BCOR: variants seen among roughly 807,000 people sequenced by gnomAD.
BCOR encodes the protein BCL-6 corepressor.
In BCOR, 10 loss-of-function variants were observed where a neutral mutation model predicts 86.7. The observed-to-expected ratio is 0.12, with a 90% CI of 0.07 to 0.20. The LOEUF (loss-of-function observed/expected upper bound fraction) is 0.20. Among genes scored for constraint, BCOR ranks in the 10% least tolerant of loss-of-function variants. The pLI is 1.00. For missense variants in BCOR, 1,259 were observed against 1,452.1 expected (o/e 0.87, Z 2.16); for synonymous variants, 611 against 609.0 (o/e 1.00, Z -0.05).
chrX:40,062,462 C>T, intron 9 of BCOR, 69 bp from the exon 10 acceptor site: 1 of 1,148,836 alleles, frequency 8.7e-7, no homozygotes, highest in South Asian at 1.9e-5. Flanking sequence ...TTCCCCTCCT[C>T]CTCCCCACGT....
chrX:40,068,698 C>T (rs902632765), intron 6 of BCOR, among the ~76,000 whole-genome samples: 3 of 113,085 alleles, frequency 2.7e-5, no homozygotes, highest in Non-Finnish European at 3.7e-5. Flanking sequence ...GTTCCCTACC[C>T]CATCTTCAAA....
chrX:40,060,861 C>T (rs1319196094), intron 10 of BCOR, among the ~76,000 whole-genome samples: 1 of 112,930 alleles, frequency 8.9e-6, no homozygotes. Flanking sequence ...AAATACCTAG[C>T]TAGTGCTTCA....
intron 3 of BCOR, 130 bp from the exon 4 acceptor site, chrX:40,075,310 C>CTGGGTGGG: frequency 6.8e-6 from 1 of 146,483 alleles, no homozygotes; most frequent in Non-Finnish European, 1.3e-5. Flanking sequence ...GACAGGCTTC[C>CTGGGTGGG]GGCGGGGCGG....
chrX:40,134,402 T>C (rs962705076), intron 1 of BCOR, among the ~76,000 whole-genome samples: 21 of 111,665 alleles, frequency 1.9e-4, no homozygotes, highest in Non-Finnish European at 4.0e-4. Context: ...GGCGGGAGGA[T>C]GGCTTGAGCC....
At chrX:40,146,361 C>A (rs1012425685) in intron 1 of BCOR, 1 of 111,439 alleles carries the variant, frequency 9.0e-6, no homozygotes, top group African/African-American at 3.3e-5. Context: ...ACACAGCGCG[C>A]CCGGGGCCCT....
chrX:40,139,396 T>TATATATATATATATATAATATATATAC (rs1937772403), intron 1 of BCOR, among the ~76,000 whole-genome samples: 2 of 10,916 alleles, frequency 1.8e-4, no homozygotes, highest in South Asian at 3.5e-3. Flanking sequence ...TATATATACA[T>TATATATATATATATATAATATATATAC]ATATATATAT....
At chrX:40,095,846 A>C (rs1332369242) in intron 1 of BCOR, among the ~76,000 whole-genome samples, 1 of 109,588 alleles carries the variant, frequency 9.1e-6, no homozygotes, top group Non-Finnish European at 1.9e-5. Flanking sequence ...ATTAACAGCA[A>C]ATTACGCCTC....
chrX:40,076,046 G>A (rs1239130830), intron 3 of BCOR, among the ~76,000 whole-genome samples: 1 of 112,109 alleles, frequency 8.9e-6, no homozygotes, highest in African/African-American at 3.2e-5. Context: ...TCAATATAGA[G>A]GCCATGGGTC....
chrX:40,134,875 C>T (rs970868480), intron 1 of BCOR, among the ~76,000 whole-genome samples: 1 of 111,632 alleles, frequency 9.0e-6, no homozygotes, highest in African/African-American at 3.3e-5. Context: ...TGATTAGAAC[C>T]ACTCTGGGCA....
At chrX:40,052,887 G>A (rs1163454809) in intron 14 of BCOR, among the ~76,000 whole-genome samples, 1 of 111,560 alleles carries the variant, frequency 9.0e-6, no homozygotes, top group African/African-American at 3.3e-5. Flanking sequence ...TCTAAGGTGA[G>A]GCAGAGTAAC....
At chrX:40,137,440 T>G (rs1937704491) in intron 1 of BCOR, among the ~76,000 whole-genome samples, 2 of 109,258 alleles carry the variant, frequency 1.8e-5, no homozygotes, top group South Asian at 7.8e-4. Flanking sequence ...CCCAGCTACT[T>G]GGGAGGCTGA....
intron 12 of BCOR, among the ~76,000 whole-genome samples, chrX:40,054,647 C>T (rs1391004933): frequency 9.9e-5 from 11 of 111,490 alleles, no homozygotes; most frequent in South Asian, 3.8e-4. Context: ...GGACTAGAGG[C>T]GCCCACCACC....
chrX:40,124,493 G>T (rs1319269581), intron 1 of BCOR, among the ~76,000 whole-genome samples: 1 of 110,935 alleles, frequency 9.0e-6, no homozygotes, highest in Non-Finnish European at 1.9e-5. Context: ...AAACTCCTGG[G>T]CTCGAGTGAT....
chrX:40,120,064 G>A (rs1158054832), intron 1 of BCOR, among the ~76,000 whole-genome samples: 3 of 107,019 alleles, frequency 2.8e-5, no homozygotes, highest in Non-Finnish European at 5.8e-5. Flanking sequence ...GAGGAGCGGG[G>A]TGAGAGTGAT....
intron 1 of BCOR, among the ~76,000 whole-genome samples, chrX:40,080,965 A>G (rs1936071436): frequency 1.7e-5 from 1 of 60,016 alleles, no homozygotes; most frequent in African/African-American, 6.1e-5. Context: ...ACGTGCACGC[A>G]CGCACACGCG....
At chrX:40,061,554 G>C (rs1173624911) in intron 10 of BCOR, among the ~76,000 whole-genome samples, 1 of 110,744 alleles carries the variant, frequency 9.0e-6, no homozygotes, top group African/African-American at 3.3e-5. Context: ...AGGATGAGCA[G>C]GGGGGCTGGG....
At chrX:40,175,615 G>A (rs1037616028) in intron 1 of BCOR, among the ~76,000 whole-genome samples, 4 of 112,983 alleles carry the variant, frequency 3.5e-5, no homozygotes, top group African/African-American at 6.4e-5. Flanking sequence ...GGAGGGAGGG[G>A]GGATGCAAAT....
chrX:40,073,502 TTGCTGCTGGTGC>T lies in BCOR; in HGVS notation c.1832_1843del (p.Ser611_Ser614del). ...TTCTGGGTTGCTGGCTTTGGCGCCC[TTGCTGCTGGTGC>T]TGCTACTGTGCTTGGCAGGAGTGGC... On this transcript the variant is annotated inframe_deletion, in exon 4 of 15. Transcript: ENST00000378444. 1 of 1,212,461 alleles carries T rather than the reference TTGCTGCTGGTGC, an allele frequency of 8.2e-7. No individual in the cohort carries two copies. The highest frequency in any genetic ancestry group is 3.0e-5 in the East Asian group (1 of 33,875).
intron 1 of BCOR, among the ~76,000 whole-genome samples, chrX:40,083,209 T>C (rs1828607973): frequency 1.8e-5 from 2 of 110,649 alleles, no homozygotes; most frequent in African/African-American, 6.6e-5. Flanking sequence ...GAGAGTAAGA[T>C]ACCCCAAGGC....
Sources: gnomAD v4.1 joint callset for allele counts (sites outside exome capture counted in the v4.1 genomes callset) on GRCh38, gnomAD v4.1.1 for gene constraint, MANE v1.5 for transcripts, NCBI Gene and HGNC (gene_info 2026-07-23, HGNC 2026-07-21) for gene names.